The following EPHB1 variants were observed in gnomAD, a reference collection of about 807,000 sequenced individuals.
EPHB1 encodes the protein ephrin type-B receptor 1.
In EPHB1, 30 loss-of-function variants were observed where a neutral mutation model predicts 94.4. The ratio of observed to expected loss-of-function variants is 0.32; its 90% CI spans 0.24 to 0.43. The LOEUF (loss-of-function observed/expected upper bound fraction) is 0.43. EPHB1 is among the 20% of genes least tolerant of loss of function. The pLI is 1.00. For synonymous variants in EPHB1, 522 were observed against 489.1 expected, an observed-to-expected ratio of 1.07 and a Z score of -0.89; for missense variants, 1,055 against 1,308.3, an observed-to-expected ratio of 0.81 and a Z score of 2.99.
chr3:135,113,714 G>A (rs1318135951), intron 4 of EPHB1, among the ~76,000 whole-genome samples: 1 of 152,168 alleles, frequency 6.6e-6, no homozygotes, highest in Non-Finnish European at 1.5e-5. Flanking sequence ...CCAATGCTCA[G>A]CAGGCCAGTG....
At chr3:135,183,247 T>TTCCTTC (rs536952678) in intron 10 of EPHB1, among the ~76,000 whole-genome samples, 1 of 91,340 alleles carries the variant, frequency 1.1e-5, no homozygotes, top group African/African-American at 4.1e-5. Flanking sequence ...TCCCTCCCTT[T>TTCCTTC]CTTCCTTCCT....
chr3:134,907,615 G>C (rs36216), intron 1 of EPHB1, among the ~76,000 whole-genome samples: 97,723 of 151,832 alleles, frequency 0.64, 33,891 homozygotes, highest in African/African-American at 0.91. Flanking sequence ...TAGATTAACT[G>C]CCTCCCGTGA....
chr3:135,098,960 C>T (rs1438317826), intron 3 of EPHB1, among the ~76,000 whole-genome samples: 1 of 130,104 alleles, frequency 7.7e-6, no homozygotes, highest in Non-Finnish European at 1.5e-5. Context: ...TTGCGGTGAG[C>T]AGAGATCACG....
chr3:134,883,027 T>A (rs972871955), intron 1 of EPHB1, among the ~76,000 whole-genome samples: 2 of 152,040 alleles, frequency 1.3e-5, no homozygotes, highest in African/African-American at 4.8e-5. Context: ...TTTCACCGTG[T>A]TAGCCAGGAT....
chr3:134,989,497 G>GCATA (rs1934717148), intron 3 of EPHB1, among the ~76,000 whole-genome samples: 1 of 149,868 alleles, frequency 6.7e-6, no homozygotes, highest in African/African-American at 2.4e-5. Context: ...ACGCGCGCGT[G>GCATA]CACACACACA....
At chr3:135,133,142 C>G (rs776557992) in intron 5 of EPHB1, 93 bp downstream of exon 5, 8 of 1,255,702 alleles carry the variant, frequency 6.4e-6, no homozygotes, top group East Asian at 2.5e-5. Flanking sequence ...CCATCCTGCC[C>G]GTGTACTGTC....
At chr3:135,031,808 T>A (rs1936483530) in intron 3 of EPHB1, among the ~76,000 whole-genome samples, 1 of 152,188 alleles carries the variant, frequency 6.6e-6, no homozygotes, top group Non-Finnish European at 1.5e-5. Context: ...ATGTTTTGTA[T>A]CCTCACTTCT....
intron 3 of EPHB1, among the ~76,000 whole-genome samples, chr3:135,095,022 C>A (rs1938707025): frequency 6.6e-6 from 1 of 152,206 alleles, no homozygotes; most frequent in Admixed American, 6.5e-5. Flanking sequence ...GGTGCAGATG[C>A]AGCTGCTGCA....
chr3:135,036,749 G>T (rs36039), intron 3 of EPHB1, among the ~76,000 whole-genome samples: 50,165 of 152,000 alleles, frequency 0.33, 9,348 homozygotes, highest in Non-Finnish European at 0.41. Context: ...TAGCAGCTAG[G>T]TCAGCTAGGT....
intron 1 of EPHB1, among the ~76,000 whole-genome samples, chr3:134,825,819 A>T (rs749395881): frequency 1.2e-4 from 19 of 152,162 alleles, no homozygotes; most frequent in Non-Finnish European, 2.6e-4. Context: ...TTCCTGAAAG[A>T]AGGATTAAAT....
At chr3:135,216,451 G>A (rs544757991) in intron 12 of EPHB1, among the ~76,000 whole-genome samples, 10 of 151,960 alleles carry the variant, frequency 6.6e-5, no homozygotes, top group Admixed American at 2.0e-4. Context: ...AGCCGGGCAC[G>A]GTGGCTCATG....
chr3:135,227,897 A>C (rs1207155116), intron 12 of EPHB1, among the ~76,000 whole-genome samples: 1 of 152,006 alleles, frequency 6.6e-6, no homozygotes, highest in Admixed American at 6.6e-5. Flanking sequence ...CTCTCTCTGT[A>C]AAATATTTTT....
At chr3:135,236,979 G>T (rs191005834) in intron 12 of EPHB1, among the ~76,000 whole-genome samples, 143 of 152,294 alleles carry the variant, frequency 9.4e-4, no homozygotes, top group African/African-American at 3.3e-3. Context: ...TAACCTCACC[G>T]TGGCAAGACA....
At chr3:135,225,142 C>G (rs1275969840) in intron 12 of EPHB1, among the ~76,000 whole-genome samples, 1 of 152,188 alleles carries the variant, frequency 6.6e-6, no homozygotes, top group Admixed American at 6.5e-5. Context: ...TGCTGCAGAG[C>G]TAGGATGCCC....
chr3:134,795,849 G>A, intron 1 of EPHB1, among the ~76,000 whole-genome samples, 160 bp downstream of exon 1: 1 of 152,242 alleles, frequency 6.6e-6, no homozygotes. Context: ...CCGAGCGCGG[G>A]GCTTGGGCGG....
chr3:135,017,023 G>A (rs1217297530), intron 3 of EPHB1, among the ~76,000 whole-genome samples: 1 of 152,192 alleles, frequency 6.6e-6, no homozygotes, highest in African/African-American at 2.4e-5. Flanking sequence ...TTCTTCCTTA[G>A]GCAGGCTGGG....
intron 3 of EPHB1, among the ~76,000 whole-genome samples, chr3:135,063,158 T>G (rs1937537405): frequency 6.6e-6 from 1 of 152,202 alleles, no homozygotes; most frequent in South Asian, 2.1e-4. Flanking sequence ...AGTCTTGCTT[T>G]GGGTATGTGG....
At chr3:135,203,415 T>TA (rs1174404588) in intron 12 of EPHB1, among the ~76,000 whole-genome samples, 5 of 151,636 alleles carry the variant, frequency 3.3e-5, no homozygotes, top group African/African-American at 7.3e-5. Context: ...AAGTAAAATT[T>TA]AAAAAAAAGA....
chr3:135,075,411 C>T (rs943679234), intron 3 of EPHB1, among the ~76,000 whole-genome samples: 6 of 152,140 alleles, frequency 3.9e-5, no homozygotes, highest in African/African-American at 1.4e-4. Flanking sequence ...CTGCATATCA[C>T]CCTCCAATTA....
Sources: allele counts gnomAD v4.1 joint callset (sites outside exome capture counted in the v4.1 genomes callset), GRCh38; gene constraint gnomAD v4.1.1; transcripts MANE v1.5; gene names NCBI Gene and HGNC (gene_info 2026-07-23, HGNC 2026-07-21).